TANGO6: variants seen among roughly 807,000 people sequenced by gnomAD.
TANGO6 encodes transport and Golgi organization protein 6 homolog.
Under a neutral mutation model 114.2 loss-of-function variants are expected in TANGO6, and 90 were observed. The observed-to-expected ratio is 0.79, with a 90% CI of 0.66 to 0.94. The LOEUF (loss-of-function observed/expected upper bound fraction) is 0.94. Among genes scored for constraint, TANGO6 ranks in the 40% least tolerant of loss-of-function variants. The probability of loss-of-function intolerance (pLI) is 0.00; values close to 1 mark genes in which losing one functional copy is unlikely to be tolerated. For missense variants in TANGO6, 1,274 were observed against 1,315.3 expected (o/e 0.97, Z 0.49); for synonymous variants, 477 against 509.8 (o/e 0.94, Z 0.87).
At chr16:69,060,307 T>G (rs1342133084) in intron 17 of TANGO6, among the ~76,000 whole-genome samples, 2 of 152,118 alleles carry the variant, frequency 1.3e-5, no homozygotes, top group Non-Finnish European at 2.9e-5. Flanking sequence ...TGTGAGCCAC[T>G]GCCCCCAGCC....
chr16:68,912,218 C>T (rs1311698553), intron 11 of TANGO6, among the ~76,000 whole-genome samples: 1 of 152,190 alleles, frequency 6.6e-6, no homozygotes, highest in Non-Finnish European at 1.5e-5. Context: ...TACGTCTTGG[C>T]AGGGTGCTAT....
chr16:68,930,342 T>C, intron 14 of TANGO6, 47 bp downstream of exon 14: 2 of 1,475,200 alleles, frequency 1.4e-6, no homozygotes, highest in South Asian at 2.4e-5. Context: ...GACCAGAGAC[T>C]GTATCATGTT....
At chr16:68,863,141 A>G (rs746326175) in intron 3 of TANGO6, 80 bp downstream of exon 3, 136 of 828,350 alleles carry the variant, frequency 1.6e-4, no homozygotes, top group Non-Finnish European at 2.4e-4. Flanking sequence ...AAAATTAAAT[A>G]ACTTTAGTTC....
chr16:68,940,112 CTTCT>C (rs1963336996), intron 14 of TANGO6, among the ~76,000 whole-genome samples: 2 of 142,648 alleles, frequency 1.4e-5, no homozygotes, highest in South Asian at 4.5e-4. Context: ...CCTTCTTTTC[CTTCT>C]TTCTTTTCTT....
At chr16:69,003,355 A>C (rs1189617950) in intron 15 of TANGO6, among the ~76,000 whole-genome samples, 1 of 152,208 alleles carries the variant, frequency 6.6e-6, no homozygotes, top group Non-Finnish European at 1.5e-5. Context: ...ACAACTGTCA[A>C]ATCAAAAGGA....
chr16:68,891,292 CAAAAA>C (rs534661540), intron 7 of TANGO6, among the ~76,000 whole-genome samples: 1 of 84,914 alleles, frequency 1.2e-5, no homozygotes, highest in African/African-American at 4.0e-5. Flanking sequence ...AACTCCATCT[CAAAAA>C]AAAAAAAAAA....
chr16:69,050,491 A>ATT (rs1257183183), intron 17 of TANGO6, among the ~76,000 whole-genome samples: 5 of 140,482 alleles, frequency 3.6e-5, no homozygotes, highest in East Asian at 2.1e-4. Context: ...TGCCCAGCTA[A>ATT]TTTTTTTTTT....
chr16:69,039,578 G>C (rs1159231337), intron 16 of TANGO6, among the ~76,000 whole-genome samples: 2 of 152,096 alleles, frequency 1.3e-5, no homozygotes, highest in Admixed American at 1.3e-4. Flanking sequence ...CAAGGCTGCA[G>C]TGAGCCCTGA....
At chr16:68,918,697 GATA>G (rs571684432) in intron 11 of TANGO6, among the ~76,000 whole-genome samples, 37 of 152,346 alleles carry the variant, frequency 2.4e-4, no homozygotes, top group African/African-American at 8.9e-4. Flanking sequence ...TCACAATGAG[GATA>G]ATAGTACTGA....
At chr16:68,871,766 T>C (rs981920582) in intron 4 of TANGO6, among the ~76,000 whole-genome samples, 1 of 152,124 alleles carries the variant, frequency 6.6e-6, no homozygotes, top group African/African-American at 2.4e-5. Flanking sequence ...ATTACAGGCA[T>C]GCGCCACCAC....
intron 4 of TANGO6, among the ~76,000 whole-genome samples, chr16:68,869,975 T>C (rs1158309605): frequency 6.6e-6 from 1 of 152,186 alleles, no homozygotes; most frequent in African/African-American, 2.4e-5. Context: ...CCTGATAGGC[T>C]GAGTTCAGGA....
chr16:69,041,683 C>T (rs1050626844), intron 17 of TANGO6, among the ~76,000 whole-genome samples: 10 of 152,144 alleles, frequency 6.6e-5, no homozygotes, highest in East Asian at 1.9e-4. Context: ...GCTTTACCCT[C>T]GGCTGCATTT....
chr16:69,063,664 A>C (rs888854923), intron 17 of TANGO6, among the ~76,000 whole-genome samples: 5 of 148,936 alleles, frequency 3.4e-5, no homozygotes, highest in South Asian at 2.1e-4. Context: ...AAAAAAAAAA[A>C]AAAAAACAAA....
chr16:69,083,663 C>T lies in TANGO6; in HGVS notation c.*2C>T, dbSNP rs1176601103. 6.4e-7 allele frequency: 1 copy of T among 1,555,272 alleles called. No homozygotes were observed. Among genetic ancestry groups the T allele is most frequent in the South Asian group, 1.2e-5 (1 of 84,208 alleles). On this transcript the variant is annotated 3_prime_UTR_variant, in exon 18 of 18. Transcript: ENST00000261778. ...AAGAAGATCATGGTCCTGCCGTAGA[C>T]CTGGCTCCAAGGACGTGGAGGAGGC...
chr16:69,076,088 C>CTTTTA (rs1960373393), intron 17 of TANGO6, among the ~76,000 whole-genome samples: 1 of 85,684 alleles, frequency 1.2e-5, no homozygotes, highest in Non-Finnish European at 2.1e-5. Flanking sequence ...TATTTCATTT[C>CTTTTA]TTTTTTTTTT....
At chr16:68,882,827 A>G (rs758266552) in intron 7 of TANGO6, among the ~76,000 whole-genome samples, 7 of 151,834 alleles carry the variant, frequency 4.6e-5, no homozygotes, top group African/African-American at 7.3e-5. Context: ...GACCATCCTG[A>G]CTAACATGGT....
chr16:68,998,345 T>C (rs1179329874), intron 15 of TANGO6, among the ~76,000 whole-genome samples: 1 of 152,164 alleles, frequency 6.6e-6, no homozygotes, highest in African/African-American at 2.4e-5. Flanking sequence ...ATGGATGTGA[T>C]TAGAACCTAA....
At chr16:68,951,438 A>C (rs1963470544) in intron 14 of TANGO6, among the ~76,000 whole-genome samples, 1 of 152,056 alleles carries the variant, frequency 6.6e-6, no homozygotes, top group Non-Finnish European at 1.5e-5. Flanking sequence ...CAGTATCTTC[A>C]TCTCCCATTT....
intron 16 of TANGO6, among the ~76,000 whole-genome samples, chr16:69,027,230 A>G (rs1157118656): frequency 6.6e-6 from 1 of 152,194 alleles, no homozygotes; most frequent in Non-Finnish European, 1.5e-5. Flanking sequence ...ACACTCACAG[A>G]TGTATGCATA....
Sources: gnomAD v4.1 joint callset for allele counts (sites outside exome capture counted in the v4.1 genomes callset) on GRCh38, gnomAD v4.1.1 for gene constraint, MANE v1.5 for transcripts, NCBI Gene and HGNC (gene_info 2026-07-23, HGNC 2026-07-21) for gene names.